NDUFS4: variants seen among roughly 807,000 people sequenced by gnomAD.
NDUFS4 encodes the protein NADH dehydrogenase [ubiquinone] iron-sulfur protein 4, mitochondrial.
A neutral mutation model predicts 24.3 loss-of-function variants in NDUFS4; 28 were observed. The observed-to-expected ratio is 1.15, with a 90% CI of 0.85 to 1.58. The LOEUF is 1.58. Ranked by LOEUF, NDUFS4 falls within the 40% of genes most tolerant of loss-of-function variation. The pLI, the probability that NDUFS4 is intolerant of heterozygous loss-of-function variation, is 0.00. For synonymous variants in NDUFS4, 93 were observed against 69.7 expected (o/e 1.34, Z -1.67); for missense variants, 223 against 207.9 (o/e 1.07, Z -0.45).
At chr5:53,669,068 G>C (rs1752595958) in intron 4 of NDUFS4, among the ~76,000 whole-genome samples, 1 of 152,116 alleles carries the variant, frequency 6.6e-6, no homozygotes, top group African/African-American at 2.4e-5. Flanking sequence ...TACAGTGGTA[G>C]AAAAGTAGTT....
intron 4 of NDUFS4, among the ~76,000 whole-genome samples, chr5:53,660,443 A>G (rs563157316): frequency 6.6e-6 from 1 of 152,242 alleles, no homozygotes; most frequent in South Asian, 2.1e-4. Flanking sequence ...TATTGTGAAT[A>G]GTGCCGCAGT....
intron 2 of NDUFS4, among the ~76,000 whole-genome samples, chr5:53,619,309 A>T (rs987643832): frequency 4.3e-5 from 2 of 47,058 alleles, no homozygotes; most frequent in African/African-American, 1.1e-4. Context: ...AAAAATTTAA[A>T]AAAAAAAAAA....
intron 4 of NDUFS4, among the ~76,000 whole-genome samples, chr5:53,667,903 A>G (rs1339507696): frequency 3.3e-5 from 5 of 152,198 alleles, no homozygotes; most frequent in Admixed American, 3.3e-4. Context: ...TAAGGATGTT[A>G]AAGCCCATGG....
rs145445526 is a variant in NDUFS4 at position 53,577,130 on chromosome 5, A to C, written c.98+16370A>C. Among the ~76,000 whole-genome samples the C allele has an allele frequency of 3.5e-3, 540 of 152,248 alleles. 5 individuals are homozygous for C. The highest frequency in any genetic ancestry group is 0.012 in the African/African-American group (514 of 41,548). On this transcript the variant is annotated intron_variant, in intron 1 of 4. Coordinates refer to ENST00000296684, the MANE Select transcript of NDUFS4 (RefSeq NM_002495.4). ...AAGCCTGGGGAGTGAGAGAGGGAAC[A>C]AAAAAGTATGATGTTGCGATTGTTG...
chr5:53,636,760 A>G (rs1176544811), intron 2 of NDUFS4, among the ~76,000 whole-genome samples: 1 of 152,186 alleles, frequency 6.6e-6, no homozygotes, highest in Non-Finnish European at 1.5e-5. Flanking sequence ...GGTTAGCACC[A>G]TCCTGTCTGT....
intron 2 of NDUFS4, among the ~76,000 whole-genome samples, chr5:53,605,879 C>G (rs193001670): frequency 6.6e-6 from 1 of 151,882 alleles, no homozygotes; most frequent in South Asian, 2.1e-4. Flanking sequence ...CTGGGCGTGG[C>G]GGTGTGTGTC....
At chr5:53,611,968 A>G (rs1176073231) in intron 2 of NDUFS4, among the ~76,000 whole-genome samples, 5 of 152,090 alleles carry the variant, frequency 3.3e-5, no homozygotes. Flanking sequence ...ACATAGGTAT[A>G]CCTTCAATTT....
intron 1 of NDUFS4, among the ~76,000 whole-genome samples, chr5:53,598,979 A>T (rs1750220385): frequency 6.6e-6 from 1 of 152,218 alleles, no homozygotes; most frequent in African/African-American, 2.4e-5. Context: ...TTAACAAAAC[A>T]AATAGATGGA....
intron 1 of NDUFS4, among the ~76,000 whole-genome samples, chr5:53,567,449 T>A (rs955176334): frequency 4.6e-5 from 7 of 152,214 alleles, no homozygotes; most frequent in African/African-American, 1.7e-4. Flanking sequence ...TTTTTTAAGC[T>A]AATGATTTTT....
intron 2 of NDUFS4, among the ~76,000 whole-genome samples, chr5:53,607,567 C>T (rs879884361): frequency 1.3e-5 from 2 of 152,052 alleles, no homozygotes; most frequent in Admixed American, 6.6e-5. Context: ...AATATATTAA[C>T]GTTTGGAATA....
At chr5:53,604,809 A>G (rs574106413) in intron 2 of NDUFS4, 4 of 456,242 alleles carry the variant, frequency 8.8e-6, no homozygotes, top group Admixed American at 2.3e-5. Context: ...GCTTCAAGGC[A>G]TTTGGAGTTC....
At chr5:53,611,223 G>T (rs72751866) in intron 2 of NDUFS4, among the ~76,000 whole-genome samples, 13,886 of 149,870 alleles carry the variant, frequency 0.093, 769 homozygotes, top group Middle Eastern at 0.13. Context: ...TTTTTTCTGG[G>T]CATCAATTAT....
chr5:53,670,308 C>G (rs1561399334), intron 4 of NDUFS4, among the ~76,000 whole-genome samples: 1 of 150,824 alleles, frequency 6.6e-6, no homozygotes, highest in East Asian at 2.0e-4. Context: ...AAATAATAAT[C>G]TAGATCTACA....
At chr5:53,617,865 C>A (rs570241703) in intron 2 of NDUFS4, among the ~76,000 whole-genome samples, 22 of 152,312 alleles carry the variant, frequency 1.4e-4, no homozygotes, top group Admixed American at 2.6e-4. Context: ...TTAGTCATCT[C>A]TTCTTTTAGC....
At chr5:53,589,085 CA>C (rs1561346243) in intron 1 of NDUFS4, among the ~76,000 whole-genome samples, 1 of 152,102 alleles carries the variant, frequency 6.6e-6, no homozygotes, top group Non-Finnish European at 1.5e-5. Context: ...TTCTGACCTT[CA>C]AAAGCGTAAG....
chr5:53,638,506 A>G (rs1322800725), intron 2 of NDUFS4, among the ~76,000 whole-genome samples: 1 of 152,088 alleles, frequency 6.6e-6, no homozygotes, highest in Non-Finnish European at 1.5e-5. Context: ...ATGAGAACAA[A>G]TGGACACAAA....
intron 1 of NDUFS4, among the ~76,000 whole-genome samples, chr5:53,596,951 T>G (rs1265779408): frequency 6.6e-6 from 1 of 152,234 alleles, no homozygotes; most frequent in Non-Finnish European, 1.5e-5. Flanking sequence ...TTTATAGGGA[T>G]GTTTTTAAAT....
At chr5:53,568,097 TCTGTTA>T (rs1488004882) in intron 1 of NDUFS4, among the ~76,000 whole-genome samples, 5 of 152,200 alleles carry the variant, frequency 3.3e-5, no homozygotes, top group African/African-American at 4.8e-5. Context: ...TATTTTGTTG[TCTGTTA>T]CTAAGTATTT....
chr5:53,682,575 G>C (rs896383820), intron 4 of NDUFS4, among the ~76,000 whole-genome samples: 1 of 150,274 alleles, frequency 6.7e-6, no homozygotes, highest in Non-Finnish European at 1.5e-5. Context: ...TTAATCAGTA[G>C]CCTGTCCAAG....
Sources: allele counts gnomAD v4.1 joint callset (sites outside exome capture counted in the v4.1 genomes callset), GRCh38; gene constraint gnomAD v4.1.1; transcripts MANE v1.5; gene names NCBI Gene and HGNC (gene_info 2026-07-23, HGNC 2026-07-21).